The following SF3A1 variants were observed in gnomAD, a reference collection of about 807,000 sequenced individuals.
The protein encoded by SF3A1 is SAP 114.
SF3A1 carries 13 observed loss-of-function variants against 89.9 expected under a neutral mutation model. The ratio of observed to expected loss-of-function variants is 0.14; its 90% CI spans 0.09 to 0.23. SF3A1 has a LOEUF of 0.23. Among genes scored for constraint, SF3A1 ranks in the 10% least tolerant of loss-of-function variants. SF3A1 has a pLI of 1.00. For synonymous variants in SF3A1, 405 were observed against 374.4 expected (o/e 1.08, Z -0.94); for missense variants, 604 against 1,022.1 (o/e 0.59, Z 5.58).
rs751089454 is a variant in SF3A1 at position 30,338,807 on chromosome 22, T to C, written c.1725A>G (p.Ser575=). 10 of 1,613,896 alleles carry C rather than the reference T, an allele frequency of 6.2e-6. No homozygotes were observed. The African/African-American group carries it at 6.7e-5, about 11-fold the overall frequency. The change falls in exon 11 of 16, where the codon TCA becomes TCG. Residue 575 remains serine (S), a synonymous_variant. Coordinates refer to ENST00000215793, the MANE Select transcript of SF3A1 (RefSeq NM_005877.6). ...GGCTTACTGTGGGTGGTCGGGGCACTGAAGTGATGGGTGGAGCCGAGCTGG... is the reference window on the plus strand; with the variant it reads ...GGCTTACTGTGGGTGGTCGGGGCACCGAAGTGATGGGTGGAGCCGAGCTGG... ...NIPSSAPPIT[S]VPRPPTMPPP...
intron 2 of SF3A1, 63 bp from the exon 3 acceptor site, chr22:30,346,582 A>G (rs1225827251): frequency 3.8e-6 from 6 of 1,575,518 alleles, no homozygotes; most frequent in South Asian, 1.2e-5. Context: ...GATCTAGAAC[A>G]CTGCCCATTG....
chr22:30,342,978 G>C, intron 4 of SF3A1, 99 bp from the exon 5 acceptor site: 2 of 728,128 alleles, frequency 2.7e-6, no homozygotes, highest in Non-Finnish European at 4.7e-6. Context: ...AGATGAGGAA[G>C]CATGGGATTC....
intron 13 of SF3A1, among the ~76,000 whole-genome samples, chr22:30,336,329 C>T (rs1475528450): frequency 6.6e-6 from 1 of 152,150 alleles, no homozygotes; most frequent in African/African-American, 2.4e-5. Flanking sequence ...ACAAGCCTGG[C>T]CAACGTGGCG....
intron 3 of SF3A1, among the ~76,000 whole-genome samples, chr22:30,345,879 G>A (rs1014178966): frequency 1.3e-5 from 2 of 152,264 alleles, no homozygotes; most frequent in East Asian, 1.9e-4. Context: ...CCAGGATGGA[G>A]GGGTCCTGGG....
chr22:30,350,446 C>T (rs986944722), intron 2 of SF3A1, among the ~76,000 whole-genome samples: 1 of 152,120 alleles, frequency 6.6e-6, no homozygotes, highest in Non-Finnish European at 1.5e-5. Context: ...CATGCCACTG[C>T]ACTCCTGCCT....
At chr22:30,335,433 C>T (rs371467847) in intron 15 of SF3A1, 34 bp downstream of exon 15, 7 of 1,587,470 alleles carry the variant, frequency 4.4e-6, no homozygotes, top group South Asian at 1.1e-5. Flanking sequence ...GGTGTCAGGA[C>T]CCAAGGGACA....
In SF3A1 at chr22:30,335,684, C is replaced by A; in HGVS notation, c.2176G>T (p.Val726Leu). ...GTGAGTGGGAGGGTGAAGACCAGCA[C>A]CTGCCCATTCAGTTTCCATTCCGTC... ...DKTEWKLNGQVLVFTLPLTDQ... is the reference protein window; with the variant it reads ...DKTEWKLNGQLLVFTLPLTDQ... The change falls in exon 14 of 16, where the codon GTG (valine) becomes TTG (leucine). Residue 726 changes from valine (V) to leucine (L), a missense_variant. Coordinates refer to ENST00000215793, the MANE Select transcript of SF3A1 (RefSeq NM_005877.6). The A allele has an allele frequency of 6.2e-7, 1 of 1,614,222 alleles. No individual in the cohort carries two copies. The highest frequency in any genetic ancestry group is 8.5e-7 in the Non-Finnish European group (1 of 1,180,040).
At position 30,344,943 on chromosome 22, in the gene SF3A1, T is replaced by C. The variant is rs763217800; in HGVS notation, c.641A>G (p.Gln214Arg). ...ATCCTGCCCAGGCACCTTGGTGTAC[T>C]GTTCCACTAGCTTCGTGAAGTAGTT... ...LFNYFTKLVE[Q>R]YTKILIPPKG... Residue 214 changes from glutamine to arginine, a missense_variant, in exon 4 of 16, where the codon CAG becomes CGG. By Grantham distance (43) the Gln-to-Arg change is conservative. This residue lies in a region of SF3A1 where 162 missense variants were observed against 229.2 expected (regional missense o/e 0.71). Transcript: ENST00000215793. The C allele has an allele frequency of 6.2e-7, 1 of 1,614,136 alleles. No homozygotes were observed. The highest frequency in any genetic ancestry group is 1.1e-5 in the South Asian group (1 of 91,090).
chr22:30,355,783 T>C lies in SF3A1; in HGVS notation c.63+947A>G, dbSNP rs552751683. Among the ~76,000 whole-genome samples the C allele has an allele frequency of 2.7e-3, 411 of 151,118 alleles. 4 individuals are homozygous for C. The highest frequency in any genetic ancestry group is 9.0e-3 in the African/African-American group (368 of 40,950). ...CAGGGACACACGGGCACTTAAATATTTGTGGAAAAGGCATGGCTTCTTCAG... is the reference window on the plus strand; with the variant it reads ...CAGGGACACACGGGCACTTAAATATCTGTGGAAAAGGCATGGCTTCTTCAG... On this transcript the variant is annotated intron_variant, in intron 1 of 15. Coordinates refer to ENST00000215793, the MANE Select transcript of SF3A1 (RefSeq NM_005877.6).
intron 5 of SF3A1, 145 bp downstream of exon 5, chr22:30,342,660 T>C (rs1048528867): frequency 2.6e-5 from 17 of 661,594 alleles, no homozygotes; most frequent in Non-Finnish European, 4.5e-5. Flanking sequence ...ACTCCAGGTT[T>C]CTTTGGCCTT....
At chr22:30,337,646 G>T in intron 12 of SF3A1, 44 bp downstream of exon 12, 1 of 949,584 alleles carries the variant, frequency 1.1e-6, no homozygotes, top group East Asian at 2.6e-5. Flanking sequence ...TTGGCCCGTG[G>T]TCCCTGAACT....
intron 11 of SF3A1, among the ~76,000 whole-genome samples, chr22:30,338,237 T>C (rs1044785887): frequency 6.6e-6 from 1 of 152,058 alleles, no homozygotes; most frequent in East Asian, 1.9e-4. Flanking sequence ...GGCAGGCAGA[T>C]CACCGGAGGT....
In SF3A1 at chr22:30,333,028, G is replaced by A. The variant is rs1930961816; in HGVS notation, c.*1566C>T. The A allele has an allele frequency of 6.6e-6, 1 of 152,210 alleles. No homozygotes were observed. The highest frequency in any genetic ancestry group is 2.4e-5 in the African/African-American group (1 of 41,446). 9.4% of individuals were successfully genotyped at this position (152,210 alleles called of 1,614,324 possible). A position where few individuals can be genotyped will look rare whatever the true frequency, so the allele number is the denominator to read the frequency against. ...CAGGGGATTTCTGGTGTTGGCCATG[G>A]ACAAGCAACCAGTAGTGGGCTCACT... On this transcript the variant is annotated 3_prime_UTR_variant, in exon 16 of 16. Coordinates refer to ENST00000215793, the MANE Select transcript of SF3A1 (RefSeq NM_005877.6).
intron 15 of SF3A1, among the ~76,000 whole-genome samples, chr22:30,335,071 C>T (rs1318139866): frequency 6.6e-6 from 1 of 152,204 alleles, no homozygotes; most frequent in African/African-American, 2.4e-5. Flanking sequence ...AGAAGAAGAA[C>T]ATTAATGCCT....
rs181811807 is a variant in SF3A1, at chr22:30,347,555, G to A, written c.186-1036C>T. On this transcript the variant is annotated intron_variant, in intron 2 of 15. Coordinates refer to ENST00000215793, the MANE Select transcript of SF3A1 (RefSeq NM_005877.6). The stretch of plus-strand genomic sequence containing the variant: ...TCCCCAGCAAGCCTTCAAAACCTCA[G>A]GATAATGAAAAAATGTCCCTATAAT... 5.3e-3 allele frequency among the ~76,000 whole-genome samples: 806 copies of A among 152,140 alleles called. 12 individuals carry two copies. Among genetic ancestry groups the A allele is most frequent in the Middle Eastern group, 0.027 (8 of 294 alleles).
chr22:30,351,871 G>A (rs1931605329), intron 2 of SF3A1, among the ~76,000 whole-genome samples: 1 of 152,236 alleles, frequency 6.6e-6, no homozygotes, highest in African/African-American at 2.4e-5. Flanking sequence ...AACATCTGTA[G>A]GCTGGACATG....
intron 5 of SF3A1, 192 bp from the exon 6 acceptor site, chr22:30,342,542 G>C (rs1931292259): frequency 4.5e-6 from 3 of 666,582 alleles, no homozygotes; most frequent in Admixed American, 2.9e-5. Flanking sequence ...TCCACCCTCT[G>C]ATCTGCTTGG....
chr22:30,333,808 C>T lies in SF3A1; in HGVS notation c.*786G>A, dbSNP rs1930984156. The T allele has an allele frequency of 6.6e-6, 1 of 152,168 alleles. No individual in the cohort carries two copies. The allele number at this position is 152,168 out of a possible 1,614,324, so 9.4% of individuals were successfully genotyped here. A position where few individuals can be genotyped will look rare whatever the true frequency, so the allele number is the denominator to read the frequency against. On this transcript the variant is annotated 3_prime_UTR_variant, in exon 16 of 16. Transcript: ENST00000215793. The stretch of plus-strand genomic sequence containing the variant: ...TACATACATTTTAAAGAAACGTCAT[C>T]ATATCCACACACCTATGAGGCACCT...
intron 9 of SF3A1, 32 bp downstream of exon 9, chr22:30,340,164 T>C (rs1472766155): frequency 7.6e-6 from 11 of 1,445,024 alleles, no homozygotes; most frequent in Non-Finnish European, 1.0e-5. Context: ...ATTCGGAGAC[T>C]ACCATGGGCT....
Sources: gnomAD v4.1 joint callset for allele counts (sites outside exome capture counted in the v4.1 genomes callset) on GRCh38, gnomAD v4.1.1 for gene constraint, gnomAD v4.1.1 regional missense constraint, MANE v1.5 for transcripts, NCBI Gene and HGNC (gene_info 2026-07-23, HGNC 2026-07-21) for gene names.